The following MPRIP variants were observed in gnomAD, a reference collection of about 807,000 sequenced individuals.
MPRIP encodes myosin phosphatase Rho-interacting protein.
MPRIP carries 59 observed loss-of-function variants against 234.9 expected under a neutral mutation model. The observed-to-expected ratio is 0.25, with a 90% CI of 0.20 to 0.31. MPRIP has a LOEUF of 0.31. MPRIP is among the 10% of genes least tolerant of loss of function. The probability of loss-of-function intolerance (pLI) is 1.00; values close to 1 mark genes in which losing one functional copy is unlikely to be tolerated. For missense variants in MPRIP, 2,436 were observed against 3,071.0 expected (o/e 0.79, Z 4.89); for synonymous variants, 1,144 against 1,263.9 (o/e 0.91, Z 2.01).
In MPRIP at chr17:17,042,811, G is replaced by GCGCCGC. The variant is rs376448844; in HGVS notation, c.-23_-18dup. ...CGGGAGCGCCAGGCCGGCCAGGCCT[G>GCGCCGC]CGCCGCCGCCGCCGCCGCCGTCGCC... On this transcript the variant is annotated 5_prime_UTR_variant, in exon 1 of 24. Coordinates refer to ENST00000651222, the MANE Select transcript of MPRIP (RefSeq NM_001364716.4). The GCGCCGC allele has an allele frequency of 1.5e-4, 200 of 1,342,464 alleles. No homozygotes were observed. Among genetic ancestry groups the GCGCCGC allele is most frequent in the South Asian group, 3.5e-4 (27 of 77,118 alleles). The allele number at this position is 1,342,464 out of a possible 1,614,324, so 83.2% of individuals were successfully genotyped here.
At chr17:17,133,287 A>G (rs538353466) in intron 5 of MPRIP, among the ~76,000 whole-genome samples, 3 of 152,150 alleles carry the variant, frequency 2.0e-5, no homozygotes, top group Non-Finnish European at 4.4e-5. Context: ...TTTGGTCCCG[A>G]GAGCATCCCA....
intron 1 of MPRIP, among the ~76,000 whole-genome samples, chr17:17,048,731 G>A (rs2088436956): frequency 6.6e-6 from 1 of 152,198 alleles, no homozygotes; most frequent in African/African-American, 2.4e-5. Context: ...CACGTTGCTG[G>A]TGGGAATGAA....
rs748280926 is a variant in MPRIP, at chr17:17,186,833, C to G, written c.*1939C>G. 1.3e-5 allele frequency: 2 copies of G among 152,270 alleles called. No homozygotes were observed. Among genetic ancestry groups the G allele is most frequent in the Non-Finnish European group, 2.9e-5 (2 of 68,084 alleles). The allele number at this position is 152,270 out of a possible 1,614,324, so 9.4% of individuals were successfully genotyped here. On this transcript the variant is annotated 3_prime_UTR_variant, in exon 24 of 24. Transcript: ENST00000651222. ...ATATACAGAAGGAACATTCGGGACC[C>G]CGCTGTCCCCCACAGCCTCATTGTT...
intron 5 of MPRIP, among the ~76,000 whole-genome samples, chr17:17,132,072 A>C (rs550683911): frequency 6.6e-6 from 1 of 152,314 alleles, no homozygotes; most frequent in Non-Finnish European, 1.5e-5. Flanking sequence ...AGGCAGCCGG[A>C]TGCAGTAGGA....
rs529333785 is a variant in MPRIP at position 17,171,569 on chromosome 17, G to A, written c.6325-149G>A. 5.0e-5 allele frequency: 48 copies of A among 957,930 alleles called. No homozygotes were observed. The African/African-American group carries it at 7.6e-4, about 15-fold the overall frequency. The allele number at this position is 957,930 out of a possible 1,614,324, so 59.3% of individuals were successfully genotyped here. On this transcript the variant is annotated intron_variant, in intron 16 of 23. Coordinates refer to ENST00000651222, the MANE Select transcript of MPRIP (RefSeq NM_001364716.4). ...ATCCCCAGACAGCCCCAGGGATCCTGTTCAGGGCGCCCATGGTGGAGCAAG... is the reference window on the plus strand; with the variant it reads ...ATCCCCAGACAGCCCCAGGGATCCTATTCAGGGCGCCCATGGTGGAGCAAG...
At chr17:17,174,103 G>C in intron 19 of MPRIP, 28 bp downstream of exon 19, 3 of 1,610,046 alleles carry the variant, frequency 1.9e-6, no homozygotes, top group Non-Finnish European at 2.5e-6. Context: ...TGAGCCCAAG[G>C]TTAGTCAGGG....
chr17:17,168,796 T>C (rs1383494618), intron 16 of MPRIP: 2 of 452,210 alleles, frequency 4.4e-6, no homozygotes, highest in Middle Eastern at 3.3e-4. Flanking sequence ...TCAAAAGCCA[T>C]GTTCAGGTGG....
Position 17,179,976 on chromosome 17 carries a change from TCTGTTTGTTTTCATTA to T in MPRIP, c.7121-26_7121-11del, listed in dbSNP as rs1168396331. Reference sequence around the variant, plus strand: ...GGTTTTAGAAAGCAAAGGTAACAGGTCTGTTTGTTTTCATTATATACCGCAGATATAATGAAATCTA... The same window carrying T: ...GGTTTTAGAAAGCAAAGGTAACAGGTTATACCGCAGATATAATGAAATCTA... On this transcript the variant is annotated splice_polypyrimidine_tract_variant and intron_variant, in intron 22 of 23. Transcript: ENST00000651222. The T allele has an allele frequency of 1.2e-5, 18 of 1,555,654 alleles. No homozygotes were observed. The highest frequency in any genetic ancestry group is 1.3e-5 in the Non-Finnish European group (15 of 1,142,088).
At chr17:17,088,141 T>C (rs2089633427) in intron 3 of MPRIP, among the ~76,000 whole-genome samples, 1 of 152,206 alleles carries the variant, frequency 6.6e-6, no homozygotes, top group African/African-American at 2.4e-5. Context: ...ACTTTTGCCA[T>C]GTGCACAGCT....
chr17:17,124,656 T>C (rs1323920243), intron 3 of MPRIP, among the ~76,000 whole-genome samples: 3 of 152,210 alleles, frequency 2.0e-5, no homozygotes, highest in Non-Finnish European at 2.9e-5. Context: ...CAGTCCTCAC[T>C]GTGGTCCATG....
At position 17,188,221 on chromosome 17, in the gene MPRIP, C is replaced by CT. The variant is rs983977390; in HGVS notation, c.*3328dup. 1.3e-5 allele frequency: 2 copies of CT among 152,346 alleles called. No homozygotes were observed. The highest frequency in any genetic ancestry group is 2.9e-5 in the Non-Finnish European group (2 of 68,112). 9.4% of individuals were successfully genotyped at this position (152,346 alleles called of 1,614,324 possible). A position where few individuals can be genotyped will look rare whatever the true frequency, so the allele number is the denominator to read the frequency against. ...AGGGGTGGAGACAGTGCGCTGCCCT[C>CT]TGAGCTGGAAGCCTGTGCTTCAGGG... On this transcript the variant is annotated 3_prime_UTR_variant, in exon 24 of 24. Transcript: ENST00000651222.
intron 3 of MPRIP, among the ~76,000 whole-genome samples, chr17:17,082,397 A>T (rs2089484784): frequency 6.8e-6 from 1 of 147,362 alleles, no homozygotes; most frequent in East Asian, 2.0e-4. Context: ...CCAGGTTCAA[A>T]CCATTATCCT....
intron 14 of MPRIP, 48 bp downstream of exon 14, chr17:17,159,050 A>G: frequency 2.6e-6 from 4 of 1,551,450 alleles, no homozygotes; most frequent in Non-Finnish European, 3.5e-6. Context: ...CAGCCTTTCC[A>G]GAGCATCAGC....
chr17:17,048,594 C>T (rs537034809), intron 1 of MPRIP, among the ~76,000 whole-genome samples: 12 of 152,190 alleles, frequency 7.9e-5, no homozygotes, highest in East Asian at 5.8e-4. Context: ...AAATGCTCAG[C>T]GTTGTCATCA....
At chr17:17,096,288 GGTGT>G (rs59748753) in intron 3 of MPRIP, among the ~76,000 whole-genome samples, 8,556 of 136,288 alleles carry the variant, frequency 0.063, 306 homozygotes, top group Middle Eastern at 0.076. Flanking sequence ...GTGTGTGCAG[GGTGT>G]GTGTGTGTGT....
intron 3 of MPRIP, among the ~76,000 whole-genome samples, chr17:17,107,362 A>G (rs934526492): frequency 2.6e-5 from 4 of 152,230 alleles, no homozygotes; most frequent in African/African-American, 9.6e-5. Flanking sequence ...GGGGACTTCA[A>G]GGCTGCTGCC....
intron 1 of MPRIP, among the ~76,000 whole-genome samples, chr17:17,072,344 C>T (rs1193384320): frequency 1.3e-5 from 2 of 152,098 alleles, no homozygotes; most frequent in African/African-American, 4.8e-5. Context: ...TGGCCTAGGC[C>T]GGTGGGCACT....
chr17:17,159,059 G>A, intron 14 of MPRIP, 57 bp downstream of exon 14: 4 of 1,516,830 alleles, frequency 2.6e-6, no homozygotes, highest in Non-Finnish European at 3.6e-6. Context: ...CAGAGCATCA[G>A]CTGTGCCCAG....
intron 3 of MPRIP, among the ~76,000 whole-genome samples, chr17:17,095,831 C>T (rs959406596): frequency 3.3e-5 from 5 of 152,170 alleles, no homozygotes; most frequent in African/African-American, 2.4e-5. Context: ...TTTCTGGTGT[C>T]TGCAGCAGTG....
Sources: gnomAD v4.1 joint callset for allele counts (sites outside exome capture counted in the v4.1 genomes callset) on GRCh38, gnomAD v4.1.1 for gene constraint, MANE v1.5 for transcripts, NCBI Gene and HGNC (gene_info 2026-07-23, HGNC 2026-07-21) for gene names.